The following MIPEP variants were observed in gnomAD, a reference collection of about 807,000 sequenced individuals.
MIPEP encodes the protein mitochondrial intermediate peptidase.
In MIPEP, 79 loss-of-function variants were observed where a neutral mutation model predicts 90.3. That is an observed-to-expected ratio of 0.87 (90% CI 0.73 to 1.05). The LOEUF (loss-of-function observed/expected upper bound fraction) is 1.05, where lower values mean the gene tolerates loss of function less well. Among genes scored for constraint, MIPEP ranks in the 50% least tolerant of loss-of-function variants. MIPEP has a pLI of 0.00. For synonymous variants in MIPEP, 334 were observed against 315.8 expected (o/e 1.06, Z -0.61); for missense variants, 940 against 905.6 (o/e 1.04, Z -0.49).
intron 7 of MIPEP, among the ~76,000 whole-genome samples, chr13:23,864,649 T>C (rs1467114798): frequency 6.7e-6 from 1 of 149,094 alleles, no homozygotes; most frequent in Admixed American, 6.8e-5. Flanking sequence ...GGCAGGAGAA[T>C]AGCTTGAACC....
chr13:23,853,863 G>A lies in MIPEP; in HGVS notation c.1106+4997C>T, dbSNP rs184953062. ...TTACAGGCATGAGCCACTGTGCCCA[G>A]CCCACGATGCATTTCTCAGAATGTA... On this transcript the variant is annotated intron_variant, in intron 10 of 18. Transcript: ENST00000382172. 1.2e-3 allele frequency among the ~76,000 whole-genome samples: 175 copies of A among 151,952 alleles called. 1 individual carries two copies. Among genetic ancestry groups the A allele is most frequent in the African/African-American group, 4.1e-3 (169 of 41,462 alleles).
chr13:23,767,126 A>G (rs1402016664), intron 16 of MIPEP, among the ~76,000 whole-genome samples: 3 of 152,122 alleles, frequency 2.0e-5, no homozygotes, highest in African/African-American at 7.2e-5. Flanking sequence ...GAATTATGCC[A>G]ATAACCTGGG....
At chr13:23,753,765 C>T (rs1467915360) in intron 18 of MIPEP, among the ~76,000 whole-genome samples, 3 of 152,124 alleles carry the variant, frequency 2.0e-5, no homozygotes, top group Admixed American at 1.3e-4. Flanking sequence ...GAGCCCTGTT[C>T]CCAAGGGATG....
chr13:23,770,870 T>C (rs980864633), intron 16 of MIPEP, among the ~76,000 whole-genome samples: 3 of 152,254 alleles, frequency 2.0e-5, no homozygotes, highest in African/African-American at 2.4e-5. Flanking sequence ...CACCTCAGCA[T>C]TGGCCGTGGC....
In MIPEP at chr13:23,858,842, A is replaced by G; in HGVS notation, c.1106+18T>C. 1 of 1,610,744 alleles carries G rather than the reference A, an allele frequency of 6.2e-7. No homozygotes were observed. The highest frequency in any genetic ancestry group is 8.5e-7 in the Non-Finnish European group (1 of 1,177,130). ...TCCTTTTTCCTTTTCCTGTACGGGT[A>G]TTTCTTGAAAAACTTACCTTTCTGC... On this transcript the variant is annotated intron_variant, in intron 10 of 18. Transcript: ENST00000382172.
chr13:23,751,015 C>A (rs576080511), intron 18 of MIPEP, among the ~76,000 whole-genome samples: 61 of 152,038 alleles, frequency 4.0e-4, no homozygotes, highest in Non-Finnish European at 7.5e-4. Context: ...CTGGAATCAG[C>A]CATTTCTCCA....
intron 10 of MIPEP, among the ~76,000 whole-genome samples, chr13:23,851,271 T>C (rs1307928593): frequency 6.6e-6 from 1 of 152,200 alleles, no homozygotes; most frequent in African/African-American, 2.4e-5. Context: ...GACTGACTTT[T>C]CAGTGCAATT....
chr13:23,801,864 C>CT (rs959175205), intron 16 of MIPEP, among the ~76,000 whole-genome samples: 1 of 152,004 alleles, frequency 6.6e-6, no homozygotes, highest in African/African-American at 2.4e-5. Flanking sequence ...TCCCCCTCAC[C>CT]TTTTTTTTAA....
chr13:23,750,428 G>C (rs1952430500), intron 18 of MIPEP, among the ~76,000 whole-genome samples: 1 of 152,234 alleles, frequency 6.6e-6, no homozygotes, highest in South Asian at 2.1e-4. Flanking sequence ...GTTTTGAGGA[G>C]TACTGCTTAG....
intron 1 of MIPEP, 27 bp downstream of exon 1, chr13:23,889,105 G>A: frequency 7.2e-7 from 1 of 1,391,004 alleles, no homozygotes. Flanking sequence ...CTCGGGGACT[G>A]AGGGGAGCTC....
At chr13:23,843,825 A>C (rs1378799626) in intron 10 of MIPEP, among the ~76,000 whole-genome samples, 1 of 152,152 alleles carries the variant, frequency 6.6e-6, no homozygotes, top group Non-Finnish European at 1.5e-5. Context: ...TGTGTGAGTG[A>C]TTGGATTTGG....
At chr13:23,826,705 G>A (rs756492899) in intron 14 of MIPEP, among the ~76,000 whole-genome samples, 8 of 151,922 alleles carry the variant, frequency 5.3e-5, no homozygotes, top group Admixed American at 2.6e-4. Flanking sequence ...AACAGAAACC[G>A]AATTAGATAA....
At chr13:23,761,499 T>C (rs991939644) in intron 16 of MIPEP, among the ~76,000 whole-genome samples, 7 of 152,152 alleles carry the variant, frequency 4.6e-5, no homozygotes, top group Non-Finnish European at 1.5e-5. Flanking sequence ...GACAATGTAG[T>C]AGTTATGATA....
chr13:23,865,607 G>A (rs753430615), intron 7 of MIPEP, among the ~76,000 whole-genome samples: 5 of 151,912 alleles, frequency 3.3e-5, no homozygotes, highest in African/African-American at 4.8e-5. Flanking sequence ...CTTAATAACC[G>A]TGTTTTAACA....
chr13:23,735,600 C>T (rs4770485), intron 18 of MIPEP, among the ~76,000 whole-genome samples: 113,665 of 152,070 alleles, frequency 0.75, 43,307 homozygotes, highest in Middle Eastern at 0.84. Context: ...TTCTCCAATT[C>T]CCCACCTTAA....
At chr13:23,746,015 C>CTTTT (rs34752143) in intron 18 of MIPEP, among the ~76,000 whole-genome samples, 10 of 135,024 alleles carry the variant, frequency 7.4e-5, no homozygotes, top group Non-Finnish European at 1.2e-4. Flanking sequence ...ACTCAGCACA[C>CTTTT]TTTTTTTTTT....
At chr13:23,738,375 TC>T (rs1300834997) in intron 18 of MIPEP, among the ~76,000 whole-genome samples, 2 of 151,976 alleles carry the variant, frequency 1.3e-5, no homozygotes, top group Non-Finnish European at 2.9e-5. Context: ...CCAAGACAAT[TC>T]TTCTTCCAAT....
chr13:23,888,053 A>C (rs1249693586), intron 1 of MIPEP: 2 of 416,562 alleles, frequency 4.8e-6, no homozygotes, highest in East Asian at 1.4e-4. Flanking sequence ...TTTCAAGGCA[A>C]AAATCAATTC....
intron 16 of MIPEP, among the ~76,000 whole-genome samples, chr13:23,781,810 C>T (rs1470351841): frequency 1.3e-5 from 2 of 152,074 alleles, no homozygotes; most frequent in African/African-American, 4.8e-5. Context: ...CAATCCTAGT[C>T]TCTGATAAAA....
Sources: allele counts gnomAD v4.1 joint callset (sites outside exome capture counted in the v4.1 genomes callset), GRCh38; gene constraint gnomAD v4.1.1; transcripts MANE v1.5; gene names NCBI Gene and HGNC (gene_info 2026-07-23, HGNC 2026-07-21).